COL9A1: variants seen among roughly 807,000 people sequenced by gnomAD.
COL9A1 encodes collagen alpha-1(IX) chain.
In COL9A1, 104 loss-of-function variants were observed where a neutral mutation model predicts 142.6. The observed-to-expected ratio is 0.73, with a 90% CI of 0.62 to 0.86. COL9A1 has a LOEUF of 0.86. Ranked by LOEUF, COL9A1 falls within the 40% of genes least tolerant of loss-of-function variation. The probability of loss-of-function intolerance (pLI) is 0.00; values close to 1 mark genes in which losing one functional copy is unlikely to be tolerated. For missense variants in COL9A1, 1,210 were observed against 1,176.6 expected (o/e 1.03, Z -0.42); for synonymous variants, 466 against 396.0 (o/e 1.18, Z -2.10).
chr6:70,300,362 T>G lies in COL9A1; in HGVS notation c.113A>C (p.Asn38Thr). The G allele has an allele frequency of 6.2e-7, 1 of 1,613,286 alleles. No individual in the cohort carries two copies. The highest frequency in any genetic ancestry group is 8.5e-7 in the Non-Finnish European group (1 of 1,179,478). Residue 38 changes from asparagine to threonine, a missense_variant, in exon 3 of 38, where the codon AAT (asparagine) becomes ACT (threonine). Asn to Thr is a moderately conservative substitution (Grantham distance 65). Transcript: ENST00000357250. ...RPRFPVNSNS[N>T]GGNELCPKIR... Reference sequence around the variant, plus strand: ...CTTTGGACAGAGTTCATTTCCACCATTAGAATTGGAATTGACAGGGAATCC... The same window carrying G: ...CTTTGGACAGAGTTCATTTCCACCAGTAGAATTGGAATTGACAGGGAATCC...
chr6:70,278,684 A>G (rs1411634361), intron 10 of COL9A1, among the ~76,000 whole-genome samples: 1 of 152,120 alleles, frequency 6.6e-6, no homozygotes, highest in South Asian at 2.1e-4. Flanking sequence ...AAGGCAGCTT[A>G]TTCTTTTATG....
intron 20 of COL9A1, 33 bp downstream of exon 20, chr6:70,260,624 T>G (rs1381967589): frequency 6.3e-7 from 1 of 1,596,936 alleles, no homozygotes; most frequent in Non-Finnish European, 8.6e-7. Flanking sequence ...TTTAACACAT[T>G]TTGGTATTAT....
In COL9A1 at chr6:70,250,614, T is replaced by A. The variant is rs1218590805; in HGVS notation, c.1872+1506A>T. ...TTCCATTCTCATGGCACAAGACACC[T>A]GGAATACATTGCTTTTCTCAAGTAT... On this transcript the variant is annotated intron_variant, in intron 28 of 37. Coordinates refer to ENST00000357250, the MANE Select transcript of COL9A1 (RefSeq NM_001851.6). Among the ~76,000 whole-genome samples the A allele has an allele frequency of 5.3e-5, 8 of 152,302 alleles. No homozygotes were observed. The East Asian group carries it at 1.5e-3, about 29-fold the overall frequency.
chr6:70,293,917 C>T (rs573519499), intron 5 of COL9A1, among the ~76,000 whole-genome samples: 1 of 152,238 alleles, frequency 6.6e-6, no homozygotes, highest in Admixed American at 6.5e-5. Context: ...TATGTGTACA[C>T]AATATGTGCC....
Position 70,260,797 on chromosome 6 carries a change from G to A in COL9A1, c.1396-87C>T, listed in dbSNP as rs114865373. 0.017 allele frequency: 21,197 copies of A among 1,261,708 alleles called. 286 individuals are homozygous for A. The highest frequency in any genetic ancestry group is 0.073 in the Middle Eastern group (387 of 5,328). The allele number at this position is 1,261,708 out of a possible 1,614,324, so 78.2% of individuals were successfully genotyped here. On this transcript the variant is annotated intron_variant, in intron 19 of 37. Transcript: ENST00000357250. ...ATCACAAAAGCTGATCTAGACAATG[G>A]ATATTATCATAACCAAAGGTAATAC...
At chr6:70,249,323 G>A (rs1770788503) in intron 28 of COL9A1, among the ~76,000 whole-genome samples, 2 of 152,134 alleles carry the variant, frequency 1.3e-5, no homozygotes, top group African/African-American at 2.4e-5. Context: ...TGACTGTGGA[G>A]ACACTACTGA....
At chr6:70,281,264 G>T in intron 8 of COL9A1, 126 bp downstream of exon 8, 3 of 945,920 alleles carry the variant, frequency 3.2e-6, no homozygotes, top group Non-Finnish European at 4.8e-6. Context: ...CTGCCTTTAA[G>T]TGGGGTGGCA....
chr6:70,270,195 G>A, intron 15 of COL9A1, 119 bp downstream of exon 15: 1 of 950,896 alleles, frequency 1.1e-6, no homozygotes, highest in Non-Finnish European at 1.7e-6. Context: ...AAAATTGATA[G>A]CCGTTTTGGA....
At chr6:70,286,705 T>C (rs1773465210) in intron 5 of COL9A1, among the ~76,000 whole-genome samples, 2 of 152,360 alleles carry the variant, frequency 1.3e-5, no homozygotes. Context: ...TCCTGATTAC[T>C]GAGCAGGAGG....
chr6:70,247,213 A>G (rs923546931), intron 28 of COL9A1, among the ~76,000 whole-genome samples: 7 of 152,248 alleles, frequency 4.6e-5, no homozygotes, highest in Non-Finnish European at 1.0e-4. Flanking sequence ...CTGATCATCA[A>G]GCAGGCAACT....
chr6:70,301,530 T>C (rs1185697732), intron 2 of COL9A1, among the ~76,000 whole-genome samples: 1 of 152,190 alleles, frequency 6.6e-6, no homozygotes, highest in Admixed American at 6.5e-5. Flanking sequence ...TGAGCCGAGA[T>C]TGTGTCATTG....
chr6:70,234,441 A>C (rs1261832555), intron 35 of COL9A1, 98 bp downstream of exon 35: 1 of 1,295,506 alleles, frequency 7.7e-7, no homozygotes, highest in African/African-American at 1.5e-5. Context: ...AAGGCACACA[A>C]AAAGTCACTC....
intron 4 of COL9A1, among the ~76,000 whole-genome samples, chr6:70,299,341 G>A (rs1773966362): frequency 6.6e-6 from 1 of 151,938 alleles, no homozygotes; most frequent in African/African-American, 2.4e-5. Flanking sequence ...TTTAATTCTA[G>A]TTTTTTTATA....
chr6:70,246,863 T>C (rs985335487), intron 28 of COL9A1, among the ~76,000 whole-genome samples: 9 of 152,190 alleles, frequency 5.9e-5, no homozygotes, highest in Admixed American at 1.3e-4. Flanking sequence ...GCCATGCATC[T>C]GGTAACTTCG....
At chr6:70,254,053 C>T (rs1208707980) in intron 25 of COL9A1, among the ~76,000 whole-genome samples, 1 of 152,140 alleles carries the variant, frequency 6.6e-6, no homozygotes, top group Non-Finnish European at 1.5e-5. Flanking sequence ...CAGGGAAACA[C>T]CAATTTGAAT....
At position 70,255,327 on chromosome 6, in the gene COL9A1, T is replaced by A. The variant is rs1771211126; in HGVS notation, c.1557+10A>T. ...AGCAGGAGGCTTGGAGTGACTGAATTTAAACTCACTCTATCTCCTTTGGGA... is the reference window on the plus strand; with the variant it reads ...AGCAGGAGGCTTGGAGTGACTGAATATAAACTCACTCTATCTCCTTTGGGA... On this transcript the variant is annotated intron_variant, in intron 22 of 37. Transcript: ENST00000357250. 1 of 1,613,940 alleles carries A rather than the reference T, an allele frequency of 6.2e-7. No individual in the cohort carries two copies. The highest frequency in any genetic ancestry group is 8.5e-7 in the Non-Finnish European group (1 of 1,179,792).
rs12333183 is a variant in COL9A1 at position 70,218,897 on chromosome 6, A to G, written c.2582-1816T>C. 8.0e-3 allele frequency among the ~76,000 whole-genome samples: 1,222 copies of G among 152,334 alleles called. 19 individuals are homozygous for G. The highest frequency in any genetic ancestry group is 0.027 in the African/African-American group (1,132 of 41,564). Reference sequence around the variant, plus strand: ...AGGGAGAATAATTATCTTTGAATTTATCCATCTCAAAGCTATAGATAAGCA... The same window carrying G: ...AGGGAGAATAATTATCTTTGAATTTGTCCATCTCAAAGCTATAGATAAGCA... On this transcript the variant is annotated intron_variant, in intron 37 of 37. Transcript: ENST00000357250.
At chr6:70,239,825 CAAT>C (rs1238080979) in intron 32 of COL9A1, among the ~76,000 whole-genome samples, 3 of 152,108 alleles carry the variant, frequency 2.0e-5, no homozygotes, top group African/African-American at 7.2e-5. Flanking sequence ...CACTACAAAA[CAAT>C]GATTTAAAAC....
rs55719911 is a variant in COL9A1 at position 70,234,304 on chromosome 6, C to CAAAAA, written c.2314+230_2314+234dup. Among the ~76,000 whole-genome samples the CAAAAA allele has an allele frequency of 6.3e-4, 90 of 143,840 alleles. 1 individual carries two copies. Among genetic ancestry groups the CAAAAA allele is most frequent in the Non-Finnish European group, 8.8e-4 (57 of 64,912 alleles). 94.4% of individuals were successfully genotyped at this position (143,840 alleles called of 152,430 possible). On this transcript the variant is annotated intron_variant, in intron 35 of 37. Transcript: ENST00000357250. ...CCCATGGCAAAAAAACAAAACAAAA[C>CAAAAA]AAAAAAAAGGCAGGATAACCAGAAA...
Sources: gnomAD v4.1 joint callset for allele counts (sites outside exome capture counted in the v4.1 genomes callset) on GRCh38, gnomAD v4.1.1 for gene constraint, MANE v1.5 for transcripts, NCBI Gene and HGNC (gene_info 2026-07-23, HGNC 2026-07-21) for gene names.